The following LRMDA variants were observed in gnomAD, a reference collection of about 807,000 sequenced individuals.
The protein encoded by LRMDA is leucine rich melanocyte differentiation associated, also known as leucine-rich melanocyte differentiation-associated protein.
LRMDA carries 18 observed loss-of-function variants against 29.8 expected under a neutral mutation model. The ratio of observed to expected loss-of-function variants is 0.60; its 90% confidence interval spans 0.42 to 0.90. LRMDA has a LOEUF of 0.90. Among genes scored for constraint, LRMDA ranks in the 40% least tolerant of loss-of-function variants. The pLI is 0.00. For missense variants in LRMDA, 273 were observed against 273.9 expected, an observed-to-expected ratio of 1.00 and a Z score of 0.02; for synonymous variants, 125 against 109.4, an observed-to-expected ratio of 1.14 and a Z score of -0.89.
In LRMDA at chr10:76,558,985, T is replaced by G. The variant is rs780881438; in HGVS notation, c.*1697T>G. ...ATTTGAGTACCTTTTCTCTGTTTGA[T>G]CTACAAAACAGCACTGGAAAAATGC... On this transcript the variant is annotated 3_prime_UTR_variant, in exon 7 of 7. Coordinates refer to ENST00000611255, the MANE Select transcript of LRMDA (RefSeq NM_001305581.2). 7.2e-5 allele frequency: 11 copies of G among 152,222 alleles called. No homozygotes were observed. Among genetic ancestry groups the G allele is most frequent in the Non-Finnish European group, 1.0e-4 (7 of 68,028 alleles). The allele number at this position is 152,222 out of a possible 1,614,324, so 9.4% of individuals were successfully genotyped here.
chr10:76,062,322 A>G (rs1276967250), intron 5 of LRMDA, among the ~76,000 whole-genome samples: 3 of 152,166 alleles, frequency 2.0e-5, no homozygotes, highest in Non-Finnish European at 4.4e-5. Context: ...GGGAGAATGG[A>G]AAATGTCCCT....
chr10:75,809,056 C>T (rs559768323), intron 2 of LRMDA, among the ~76,000 whole-genome samples: 1 of 152,262 alleles, frequency 6.6e-6, no homozygotes, highest in South Asian at 2.1e-4. Flanking sequence ...TTGCTGGCTT[C>T]TGCCCACTAG....
chr10:75,957,256 G>T (rs1846678868), intron 2 of LRMDA, among the ~76,000 whole-genome samples: 1 of 152,228 alleles, frequency 6.6e-6, no homozygotes, highest in Admixed American at 6.5e-5. Flanking sequence ...CCTGTAAGAG[G>T]ATGCTTGGCT....
At chr10:76,129,532 C>T (rs1849948010) in intron 5 of LRMDA, among the ~76,000 whole-genome samples, 1 of 152,182 alleles carries the variant, frequency 6.6e-6, no homozygotes, top group East Asian at 1.9e-4. Flanking sequence ...TCCCCCTCTC[C>T]CTAGAGGATG....
chr10:75,965,042 A>G (rs916163822), intron 2 of LRMDA, among the ~76,000 whole-genome samples: 1 of 152,228 alleles, frequency 6.6e-6, no homozygotes, highest in African/African-American at 2.4e-5. Context: ...CTGGGATTAC[A>G]GGTGTGAGCC....
intron 2 of LRMDA, among the ~76,000 whole-genome samples, chr10:75,703,941 C>A (rs1323048569): frequency 1.3e-5 from 2 of 152,112 alleles, no homozygotes; most frequent in East Asian, 3.8e-4. Context: ...CAGTGACTGG[C>A]ATTAGGGTAG....
intron 5 of LRMDA, among the ~76,000 whole-genome samples, chr10:76,162,887 A>T (rs548909223): frequency 6.6e-6 from 1 of 152,324 alleles, no homozygotes; most frequent in East Asian, 1.9e-4. Context: ...CATTATTTTT[A>T]AAAGAAAGGA....
intron 2 of LRMDA, among the ~76,000 whole-genome samples, chr10:75,916,849 G>A (rs1194354343): frequency 2.6e-5 from 4 of 152,228 alleles, no homozygotes; most frequent in Admixed American, 2.0e-4. Flanking sequence ...GAAAGAAATC[G>A]AGCTGTGCCG....
chr10:76,155,957 A>G (rs1435519868), intron 5 of LRMDA, among the ~76,000 whole-genome samples: 1 of 152,204 alleles, frequency 6.6e-6, no homozygotes, highest in African/African-American at 2.4e-5. Flanking sequence ...ATTGTAAGCC[A>G]AGTCTTACAG....
chr10:76,094,963 T>G (rs987945410), intron 5 of LRMDA, among the ~76,000 whole-genome samples: 1 of 152,206 alleles, frequency 6.6e-6, no homozygotes, highest in South Asian at 2.1e-4. Flanking sequence ...ATAGAATCTA[T>G]TGAAGGTTCT....
intron 6 of LRMDA, 125 bp downstream of exon 6, chr10:76,324,610 T>C (rs1272069985): frequency 2.5e-6 from 2 of 786,984 alleles, no homozygotes; most frequent in Non-Finnish European, 4.2e-6. Flanking sequence ...AAGTCCTTGA[T>C]GAGAAAACCA....
At chr10:76,337,888 A>G (rs1263339132) in intron 6 of LRMDA, among the ~76,000 whole-genome samples, 1 of 152,112 alleles carries the variant, frequency 6.6e-6, no homozygotes, top group Non-Finnish European at 1.5e-5. Flanking sequence ...GTTAAGCTTA[A>G]GTTTCATTTT....
At chr10:76,039,362 A>G (rs1848304914) in intron 3 of LRMDA, among the ~76,000 whole-genome samples, 1 of 152,236 alleles carries the variant, frequency 6.6e-6, no homozygotes, top group Non-Finnish European at 1.5e-5. Flanking sequence ...TGTAAATTGA[A>G]TCTTTAAACA....
chr10:75,656,967 G>C (rs957157223), intron 2 of LRMDA, among the ~76,000 whole-genome samples: 2 of 152,284 alleles, frequency 1.3e-5, no homozygotes, highest in Middle Eastern at 6.8e-3. Flanking sequence ...TAAGCATCAT[G>C]TTCTGTTTCA....
intron 5 of LRMDA, among the ~76,000 whole-genome samples, chr10:76,273,700 G>A (rs1459005570): frequency 2.6e-5 from 4 of 152,158 alleles, no homozygotes; most frequent in Non-Finnish European, 5.9e-5. Flanking sequence ...GGGTTGAGGT[G>A]ACATGTAGTT....
At chr10:75,797,044 G>GT (rs1843665330) in intron 2 of LRMDA, among the ~76,000 whole-genome samples, 3 of 151,662 alleles carry the variant, frequency 2.0e-5, no homozygotes, top group Non-Finnish European at 4.4e-5. Context: ...TGTAATTTTG[G>GT]GTTTTTTTTC....
chr10:76,265,612 A>G (rs1206410958), intron 5 of LRMDA, among the ~76,000 whole-genome samples: 3 of 152,162 alleles, frequency 2.0e-5, no homozygotes, highest in African/African-American at 7.2e-5. Flanking sequence ...CCCAGTGTTT[A>G]TACTTAAGAG....
intron 2 of LRMDA, among the ~76,000 whole-genome samples, chr10:75,876,486 C>A (rs1401752415): frequency 6.6e-6 from 1 of 152,012 alleles, no homozygotes. Flanking sequence ...AGAAAAAAAT[C>A]GAAAGAAAAA....
chr10:75,715,708 C>G (rs1842491600), intron 2 of LRMDA, among the ~76,000 whole-genome samples: 1 of 152,038 alleles, frequency 6.6e-6, no homozygotes, highest in South Asian at 2.1e-4. Flanking sequence ...GAACTTTGAT[C>G]TAATTGATAA....
Sources: allele counts gnomAD v4.1 joint callset (sites outside exome capture counted in the v4.1 genomes callset), GRCh38; gene constraint gnomAD v4.1.1; transcripts MANE v1.5; gene names NCBI Gene and HGNC (gene_info 2026-07-23, HGNC 2026-07-21).